The following TACC2 variants were observed in gnomAD, a reference collection of about 807,000 sequenced individuals.
TACC2 encodes the protein transforming acidic coiled-coil containing protein 2.
In TACC2, 137 loss-of-function variants were observed where a neutral mutation model predicts 227.3. That is an observed-to-expected ratio of 0.60 (90% CI 0.52 to 0.69). The LOEUF (loss-of-function observed/expected upper bound fraction) is 0.69. Ranked by LOEUF, TACC2 falls within the 30% of genes least tolerant of loss-of-function variation. The pLI, the probability that TACC2 is intolerant of heterozygous loss-of-function variation, is 0.00. For missense variants in TACC2, 3,470 were observed against 3,694.4 expected (o/e 0.94, Z 1.57); for synonymous variants, 1,523 against 1,487.5 (o/e 1.02, Z -0.55).
chr10:122,021,946 A>T lies in TACC2; in HGVS notation c.-36A>T, dbSNP rs755669282. The T allele has an allele frequency of 4.3e-6, 7 of 1,613,126 alleles. No homozygotes were observed. Among genetic ancestry groups the T allele is most frequent in the Non-Finnish European group, 4.2e-6 (5 of 1,179,264 alleles). On this transcript the variant is annotated 5_prime_UTR_variant, in exon 2 of 23. Coordinates refer to ENST00000369005, the MANE Select transcript of TACC2 (RefSeq NM_206862.4). ...CTTTTGTTTCTTCCAGTCACCTCTGACAAAATTCTGGGGACGCTGGGAACA... is the reference window on the plus strand; with the variant it reads ...CTTTTGTTTCTTCCAGTCACCTCTGTCAAAATTCTGGGGACGCTGGGAACA...
In TACC2 at chr10:122,148,882, A is replaced by G. The variant is rs531792643; in HGVS notation, c.5834+5176A>G. ...AGAAAAGTGAGGTTCTGGGAAGGAG[A>G]GAGAGCTTCAAGTCTCTGCCTCCTA... On this transcript the variant is annotated intron_variant, in intron 7 of 22. Transcript: ENST00000369005. 9.8e-4 allele frequency among the ~76,000 whole-genome samples: 149 copies of G among 152,306 alleles called. 1 individual carries two copies. The highest frequency in any genetic ancestry group is 1.6e-4 in the Non-Finnish European group (11 of 68,018).
In TACC2 at chr10:122,183,884, C is replaced by T. The variant is rs1431897232; in HGVS notation, c.5835-11156C>T. Among the ~76,000 whole-genome samples, 5 of 152,172 alleles carry T rather than the reference C, an allele frequency of 3.3e-5. No homozygotes were observed. The South Asian group carries it at 6.2e-4, about 19-fold the overall frequency. Reference sequence around the variant, plus strand: ...GCTGAACCGCTTGGCTCCAAGTTCTCATCCTCAGAACCCAGGAGGACTTGA... The same window carrying T: ...GCTGAACCGCTTGGCTCCAAGTTCTTATCCTCAGAACCCAGGAGGACTTGA... On this transcript the variant is annotated intron_variant, in intron 7 of 22. Coordinates refer to ENST00000369005, the MANE Select transcript of TACC2 (RefSeq NM_206862.4).
intron 5 of TACC2, among the ~76,000 whole-genome samples, chr10:122,125,371 A>AT (rs71022902): frequency 0.33 from 49,440 of 150,524 alleles, 8,694 homozygotes; most frequent in Middle Eastern, 0.42. Context: ...AATTTCTTGT[A>AT]TTTTTTTTTA....
chr10:122,248,093 T>TG (rs2141891653), intron 19 of TACC2: 1 of 153,994 alleles, frequency 6.5e-6, no homozygotes, highest in East Asian at 1.9e-4. Context: ...TTACAACACT[T>TG]GCTGTATCGA....
intron 11 of TACC2, among the ~76,000 whole-genome samples, chr10:122,219,029 A>AAAAAAG (rs2095470099): frequency 7.0e-6 from 1 of 143,584 alleles, no homozygotes; most frequent in South Asian, 2.4e-4. Flanking sequence ...AAAAAAAAAA[A>AAAAAAG]AAAAAAGAAA....
intron 6 of TACC2, among the ~76,000 whole-genome samples, chr10:122,136,164 C>T (rs962149778): frequency 6.6e-6 from 1 of 152,192 alleles, no homozygotes; most frequent in Non-Finnish European, 1.5e-5. Flanking sequence ...CCCTATGTTT[C>T]CTCTAGAGGC....
In TACC2 at chr10:122,087,202, G is replaced by A. The variant is rs2080183738; in HGVS notation, c.4702G>A (p.Glu1568Lys). 1.2e-6 allele frequency: 2 copies of A among 1,612,522 alleles called. No individual in the cohort carries two copies. Among genetic ancestry groups the A allele is most frequent in the Non-Finnish European group, 1.7e-6 (2 of 1,179,470 alleles). The stretch of plus-strand genomic sequence containing the variant: ...TCTTCCTTCACCAGCAGCTACTCAG[G>A]AGCTCCCTGTGGAGAGAGCTGCTGC... ...SGLPSPAATQ[E>K]LPVERAAAFQ... Residue 1568 changes from glutamate (E) to lysine (K), a missense_variant, in exon 4 of 23, where the codon GAG becomes AAG. Coordinates refer to ENST00000369005, the MANE Select transcript of TACC2 (RefSeq NM_206862.4).
Position 122,230,294 on chromosome 10 carries a change from C to T in TACC2, c.8038-57C>T. On this transcript the variant is annotated intron_variant, in intron 15 of 22. Coordinates refer to ENST00000369005, the MANE Select transcript of TACC2 (RefSeq NM_206862.4). ...ACGTTCATTTCTCGGATGTGGAAAC[C>T]ATTGACGTCTGTCTTGATGCATTTC... is the stretch of plus-strand genomic sequence containing the variant. The T allele has an allele frequency of 6.3e-6, 9 of 1,434,376 alleles. No homozygotes were observed. In the South Asian group the frequency reaches 9.2e-5, roughly 15 times the overall value. The allele number at this position is 1,434,376 out of a possible 1,614,324, so 88.9% of individuals were successfully genotyped here.
chr10:122,135,550 T>C (rs2089440103), intron 6 of TACC2, among the ~76,000 whole-genome samples: 3 of 152,228 alleles, frequency 2.0e-5, no homozygotes, highest in Admixed American at 2.0e-4. Flanking sequence ...TCCAGAGTCG[T>C]GTTGTCTTGT....
In TACC2 at chr10:122,086,229, T is replaced by G; in HGVS notation, c.3729T>G (p.Ala1243=). 6.2e-7 allele frequency: 1 copy of G among 1,613,918 alleles called. No homozygotes were observed. The highest frequency in any genetic ancestry group is 2.2e-5 in the East Asian group (1 of 44,882). ...PDTPYLHVDS[A]AQRGAEDSGV... is the part of the protein sequence containing the mutation. Reference sequence around the variant, plus strand: ...CCCCTTACCTGCATGTCGACAGTGCTGCCCAGAGAGGAGCAGAAGACAGTG... The same window carrying G: ...CCCCTTACCTGCATGTCGACAGTGCGGCCCAGAGAGGAGCAGAAGACAGTG... Residue 1243 remains alanine, a synonymous_variant, in exon 4 of 23, where the codon GCT becomes GCG. Coordinates refer to ENST00000369005, the MANE Select transcript of TACC2 (RefSeq NM_206862.4).
At position 122,205,152 on chromosome 10, in the gene TACC2, T is replaced by A. The variant is rs2095060637; in HGVS notation, c.5972-5245T>A. Among the ~76,000 whole-genome samples the A allele has an allele frequency of 6.6e-6, 1 of 152,202 alleles. No individual in the cohort carries two copies. On this transcript the variant is annotated intron_variant, in intron 8 of 22. Coordinates refer to ENST00000369005, the MANE Select transcript of TACC2 (RefSeq NM_206862.4). The surrounding 1 kb of genome is among the most constrained non-coding windows in gnomAD (Gnocchi z 4.5). ...TGTCCCCACAGTGCCTCGACGGCAC[T>A]TTTCCCTCTTGGTTTCTGGGAATTG... is the stretch of plus-strand genomic sequence containing the variant.
At chr10:122,174,575 C>T (rs1362393195) in intron 7 of TACC2, among the ~76,000 whole-genome samples, 2 of 152,094 alleles carry the variant, frequency 1.3e-5, no homozygotes, top group East Asian at 1.9e-4. Context: ...GTGCATAAAA[C>T]GTTCGTGAAA....
At chr10:122,166,633 A>C (rs1268666607) in intron 7 of TACC2, among the ~76,000 whole-genome samples, 1 of 152,210 alleles carries the variant, frequency 6.6e-6, no homozygotes, top group Non-Finnish European at 1.5e-5. Flanking sequence ...AGACCAGCTG[A>C]ATCAGAATCT....
At chr10:122,197,800 A>G (rs2094624548) in intron 8 of TACC2, among the ~76,000 whole-genome samples, 1 of 152,200 alleles carries the variant, frequency 6.6e-6, no homozygotes, top group Non-Finnish European at 1.5e-5. Flanking sequence ...GGGCTGTACA[A>G]AGATCCATTT....
At chr10:122,115,330 A>G (rs2084485244) in intron 5 of TACC2, among the ~76,000 whole-genome samples, 1 of 150,238 alleles carries the variant, frequency 6.7e-6, no homozygotes, top group Admixed American at 6.6e-5. Context: ...GAGATACCTG[A>G]GCATGCACAT....
At chr10:122,152,708 G>C in intron 7 of TACC2, among the ~76,000 whole-genome samples, 1 of 152,210 alleles carries the variant, frequency 6.6e-6, no homozygotes, top group Non-Finnish European at 1.5e-5. Context: ...TGTCCAGACT[G>C]ACGTAGTTGG....
chr10:122,091,331 A>G (rs2080794662), intron 5 of TACC2, among the ~76,000 whole-genome samples: 1 of 152,132 alleles, frequency 6.6e-6, no homozygotes, highest in African/African-American at 2.4e-5. Flanking sequence ...TTTTGGATCT[A>G]TTGGGTTAAA....
Position 122,087,929 on chromosome 10 carries a change from A to G in TACC2, c.5429A>G (p.His1810Arg). 2 of 1,511,620 alleles carry G rather than the reference A, an allele frequency of 1.3e-6. No homozygotes were observed. Among genetic ancestry groups the G allele is most frequent in the Non-Finnish European group, 1.8e-6 (2 of 1,130,436 alleles). The allele number at this position is 1,511,620 out of a possible 1,614,324, so 93.6% of individuals were successfully genotyped here. The change falls in exon 4 of 23, where the codon CAT becomes CGT. Residue 1810 changes from histidine to arginine, a missense_variant. Transcript: ENST00000369005. The part of the protein sequence containing the change: ...PDETHDPKLQ[H>R]LAPEELHTDR... Reference sequence around the variant, plus strand: ...GAAACTCACGACCCGAAGCTGCAACATTTGGCTCCAGAAGAGCTCCACACT... The same window carrying G: ...GAAACTCACGACCCGAAGCTGCAACGTTTGGCTCCAGAAGAGCTCCACACT...
intron 16 of TACC2, among the ~76,000 whole-genome samples, chr10:122,230,832 T>G (rs2095727582): frequency 6.6e-6 from 1 of 152,176 alleles, no homozygotes; most frequent in Non-Finnish European, 1.5e-5. Context: ...GCTTCTCTAT[T>G]GAGCAAACAT....
Sources: allele counts gnomAD v4.1 joint callset (sites outside exome capture counted in the v4.1 genomes callset), GRCh38; gene constraint gnomAD v4.1.1; non-coding constraint Gnocchi (gnomAD v3.1); transcripts MANE v1.5; gene names NCBI Gene and HGNC (gene_info 2026-07-23, HGNC 2026-07-21).